Variants in TLN2 observed in about 807,000 individuals in gnomAD.
The protein encoded by TLN2 is talin-2.
TLN2 carries 118 observed loss-of-function variants against 294.7 expected under a neutral mutation model. The observed-to-expected ratio is 0.40, with a 90% confidence interval of 0.34 to 0.47. The LOEUF is 0.47. Among genes scored for constraint, TLN2 ranks in the 20% least tolerant of loss-of-function variants. TLN2 has a pLI of 0.84. For synonymous variants in TLN2, 1,431 were observed against 1,304.5 expected, an observed-to-expected ratio of 1.10 and a Z score of -2.09; for missense variants, 3,083 against 3,282.2, an observed-to-expected ratio of 0.94 and a Z score of 1.48.
At position 62,763,642 on chromosome 15, in the gene TLN2, T is replaced by G; in HGVS notation, c.5041T>G (p.Ser1681Ala). The G allele has an allele frequency of 6.2e-7, 1 of 1,613,282 alleles. No homozygotes were observed. Among genetic ancestry groups the G allele is most frequent in the Non-Finnish European group, 8.5e-7 (1 of 1,179,786 alleles). Reference protein sequence around the residue: ...NRCIRDIEQASLAAVSQSLAT... With the variant: ...NRCIRDIEQAALAAVSQSLAT... Reference sequence around the variant, plus strand: ...GTGCATCCGGGACATCGAGCAGGCCTCGCTGGCCGCCGTCAGCCAGAGCCT... The same window carrying G: ...GTGCATCCGGGACATCGAGCAGGCCGCGCTGGCCGCCGTCAGCCAGAGCCT... The change falls in exon 40 of 59, where the codon TCG (serine) becomes GCG (alanine). Residue 1681 changes from serine (S) to alanine (A), a missense_variant. By Grantham distance (99) the Ser-to-Ala change is moderately conservative. Transcript: ENST00000636159.
At chr15:62,727,296 C>A in intron 28 of TLN2, 107 bp downstream of exon 28, 1 of 980,660 alleles carries the variant, frequency 1.0e-6, no homozygotes. Context: ...CATTTTTCTC[C>A]CAGCAGTTCA....
chr15:62,414,945 C>T (rs1208477740), intron 1 of TLN2, among the ~76,000 whole-genome samples: 1 of 140,924 alleles, frequency 7.1e-6, no homozygotes, highest in African/African-American at 2.5e-5. Context: ...GAGTTTCGCT[C>T]TTGCTGCCCA....
chr15:62,806,985 AAGGGCCTGGCCCTGGG>A (rs917896412), intron 51 of TLN2, among the ~76,000 whole-genome samples: 11 of 152,082 alleles, frequency 7.2e-5, no homozygotes, highest in African/African-American at 1.2e-4. Flanking sequence ...ATTTGTGTGC[AAGGGCCTGGCCCTGGG>A]AGACAGTACC....
chr15:62,422,518 C>G (rs1427040949), intron 1 of TLN2, among the ~76,000 whole-genome samples: 1 of 152,170 alleles, frequency 6.6e-6, no homozygotes, highest in Admixed American at 6.5e-5. Flanking sequence ...CCCAAATTAT[C>G]TGAGCATTAG....
chr15:62,659,050 CTA>C (rs1255452448), intron 9 of TLN2, among the ~76,000 whole-genome samples: 4 of 152,144 alleles, frequency 2.6e-5, no homozygotes, highest in African/African-American at 9.7e-5. Context: ...AGCTGTGAAT[CTA>C]TGTCTCCCTG....
In TLN2 at chr15:62,405,560, A is replaced by G. The variant is rs2033346182; in HGVS notation, c.-238+14875A>G. Among the ~76,000 whole-genome samples the G allele has an allele frequency of 1.3e-5, 2 of 152,152 alleles. 1 individual carries two copies. Among genetic ancestry groups the G allele is most frequent in the South Asian group, 4.1e-4 (2 of 4,826 alleles). ...AATTTAATTTTCTGGCATTTTCCCA[A>G]TGTGTTTTGTCCTACTTAGGTGAGA... is the stretch of plus-strand genomic sequence containing the variant. On this transcript the variant is annotated intron_variant, in intron 1 of 58. Coordinates refer to ENST00000636159, the MANE Select transcript of TLN2 (RefSeq NM_015059.3).
chr15:62,624,630 C>CTTTT (rs10656198), intron 3 of TLN2, among the ~76,000 whole-genome samples: 1 of 152,086 alleles, frequency 6.6e-6, no homozygotes, highest in Non-Finnish European at 1.5e-5. Context: ...TTTTCCTCTG[C>CTTTT]TTGTCAGGTT....
chr15:62,757,283 C>T (rs1481164504), intron 37 of TLN2, among the ~76,000 whole-genome samples: 1 of 152,140 alleles, frequency 6.6e-6, no homozygotes, highest in African/African-American at 2.4e-5. Flanking sequence ...GATGGAGAGA[C>T]GAAGTCATCT....
chr15:62,415,883 A>T (rs79078231), intron 1 of TLN2, among the ~76,000 whole-genome samples: 138 of 152,348 alleles, frequency 9.1e-4, no homozygotes, highest in African/African-American at 3.1e-3. Flanking sequence ...AAATCACATC[A>T]TAAAACTTAA....
At chr15:62,558,883 G>A (rs1225131755) in intron 1 of TLN2, among the ~76,000 whole-genome samples, 2 of 152,152 alleles carry the variant, frequency 1.3e-5, no homozygotes, top group African/African-American at 4.8e-5. Context: ...TGTTCTCCCT[G>A]ATAAAAGAGG....
chr15:62,775,146 C>T (rs937776567), intron 42 of TLN2, among the ~76,000 whole-genome samples: 20 of 151,794 alleles, frequency 1.3e-4, no homozygotes, highest in African/African-American at 4.4e-4. Flanking sequence ...TTAGTAGAGA[C>T]GGGGTTTCAC....
In TLN2 at chr15:62,529,175, C is replaced by T. The variant is rs554675708; in HGVS notation, c.-237-60512C>T. Among the ~76,000 whole-genome samples, 9 of 151,962 alleles carry T rather than the reference C, an allele frequency of 5.9e-5. No individual in the cohort carries two copies. The South Asian group carries it at 1.3e-3, about 21-fold the overall frequency. Reference sequence around the variant, plus strand: ...GTGGCATGATCATGACTCCCTGCAGCCTCGACTTCCTGGGCTCAGTTGACC... The same window carrying T: ...GTGGCATGATCATGACTCCCTGCAGTCTCGACTTCCTGGGCTCAGTTGACC... On this transcript the variant is annotated intron_variant, in intron 1 of 58. Transcript: ENST00000636159.
At position 62,424,942 on chromosome 15, in the gene TLN2, C is replaced by T. The variant is rs1174267979; in HGVS notation, c.-238+34257C>T. Among the ~76,000 whole-genome samples, 9 of 141,252 alleles carry T rather than the reference C, an allele frequency of 6.4e-5. No homozygotes were observed. In the East Asian group the frequency reaches 6.4e-4, roughly 10 times the overall value. The allele number at this position is 141,252 out of a possible 152,430, so 92.7% of individuals were successfully genotyped here. ...TGTTGGCATCACAGGCATGAGCCAC[C>T]GTGCCTGGCCTTTTTTTTTTTTTTT... On this transcript the variant is annotated intron_variant, in intron 1 of 58. Coordinates refer to ENST00000636159, the MANE Select transcript of TLN2 (RefSeq NM_015059.3).
In TLN2 at chr15:62,774,953, C is replaced by CTTTTTTT. The variant is rs36003657; in HGVS notation, c.5368-1796_5368-1790dup. The stretch of plus-strand genomic sequence containing the variant: ...TCATATGAATGTGTAGAATTGCTGG[C>CTTTTTTT]TTTTTTTTTTTTTTTTTTTTTGAGA... On this transcript the variant is annotated intron_variant, in intron 42 of 58. Transcript: ENST00000636159. Among the ~76,000 whole-genome samples, 7 of 101,486 alleles carry CTTTTTTT rather than the reference C, an allele frequency of 6.9e-5. 1 individual carries two copies. The highest frequency in any genetic ancestry group is 1.0e-4 in the Non-Finnish European group (5 of 50,180). 66.6% of individuals were successfully genotyped at this position (101,486 alleles called of 152,430 possible). A position where few individuals can be genotyped will look rare whatever the true frequency, so the allele number is the denominator to read the frequency against.
At chr15:62,638,665 A>G (rs755229186) in intron 3 of TLN2, 4 of 455,444 alleles carry the variant, frequency 8.8e-6, no homozygotes, top group South Asian at 1.6e-5. Flanking sequence ...TCATTCTTGT[A>G]TTCCATGTTG....
chr15:62,636,285 TTAAC>T (rs2050376921), intron 3 of TLN2, among the ~76,000 whole-genome samples: 1 of 123,246 alleles, frequency 8.1e-6, no homozygotes, highest in Non-Finnish European at 1.8e-5. Context: ...TAGATAGAGT[TTAAC>T]TAAAACATTG....
intron 1 of TLN2, among the ~76,000 whole-genome samples, chr15:62,432,065 C>T (rs989173126): frequency 6.6e-6 from 1 of 152,154 alleles, no homozygotes; most frequent in Non-Finnish European, 1.5e-5. Flanking sequence ...TAGCAGGCCT[C>T]GTCCTGGTGT....
At chr15:62,697,892 C>G (rs775196809) in intron 15 of TLN2, 24 bp downstream of exon 15, 1 of 1,606,392 alleles carries the variant, frequency 6.2e-7, no homozygotes, top group South Asian at 1.1e-5. Flanking sequence ...TGCTCGTCCC[C>G]CACTCGTTAG....
chr15:62,715,772 G>C (rs1174784037), intron 22 of TLN2, among the ~76,000 whole-genome samples: 2 of 152,156 alleles, frequency 1.3e-5, no homozygotes, highest in Admixed American at 1.3e-4. Context: ...GTCTCTCTAG[G>C]AATGTAATTT....
Sources: gnomAD v4.1 joint callset for allele counts (sites outside exome capture counted in the v4.1 genomes callset) on GRCh38, gnomAD v4.1.1 for gene constraint, MANE v1.5 for transcripts, NCBI Gene and HGNC (gene_info 2026-07-23, HGNC 2026-07-21) for gene names.